DYM: variants seen among roughly 807,000 people sequenced by gnomAD.
DYM encodes the protein dyggve-Melchior-Clausen syndrome protein.
DYM carries 78 observed loss-of-function variants against 93.1 expected under a neutral mutation model. The observed-to-expected ratio is 0.84, with a 90% CI of 0.70 to 1.01. DYM has a LOEUF of 1.01. Among genes scored for constraint, DYM ranks in the 50% least tolerant of loss-of-function variants. The pLI is 0.00. For missense variants in DYM, 789 were observed against 845.0 expected, an observed-to-expected ratio of 0.93 and a Z score of 0.82; for synonymous variants, 321 against 319.7, an observed-to-expected ratio of 1.00 and a Z score of -0.04.
chr18:49,167,303 G>A (rs139473377), intron 14 of DYM, among the ~76,000 whole-genome samples: 180 of 152,164 alleles, frequency 1.2e-3, no homozygotes, highest in Admixed American at 2.5e-3. Flanking sequence ...GAGCATAATG[G>A]AAAATTTTAC....
intron 17 of DYM, among the ~76,000 whole-genome samples, chr18:49,048,736 C>T (rs2071983318): frequency 6.6e-6 from 1 of 152,204 alleles, no homozygotes; most frequent in African/African-American, 2.4e-5. Context: ...GACTATTCCG[C>T]TAGAAGGAGT....
intron 17 of DYM, 63 bp downstream of exon 17, chr18:49,097,339 G>A: frequency 6.8e-7 from 1 of 1,462,920 alleles, no homozygotes. Flanking sequence ...GGTCTGCTAA[G>A]ACACTAACAT....
At chr18:49,137,271 G>T (rs117216963) in intron 15 of DYM, among the ~76,000 whole-genome samples, 1 of 152,266 alleles carries the variant, frequency 6.6e-6, no homozygotes, top group Non-Finnish European at 1.5e-5. Context: ...CTCACACTTG[G>T]CAAGTAGTAA....
rs2084504587 is a variant in DYM, at chr18:49,141,598, T to G, written c.1728+22087A>C. 2.0e-5 allele frequency among the ~76,000 whole-genome samples: 3 copies of G among 152,336 alleles called. No homozygotes were observed. The South Asian group carries it at 6.2e-4, about 32-fold the overall frequency. ...CTATCCTCATTTTTTCTCTGGCAAC[T>G]CTTATTCATCATCAGGTCTCAGTTA... On this transcript the variant is annotated intron_variant, in intron 15 of 17. Coordinates refer to ENST00000675505, the MANE Select transcript of DYM (RefSeq NM_001353214.3).
At chr18:49,181,406 G>C (rs892210170) in intron 14 of DYM, among the ~76,000 whole-genome samples, 1 of 152,124 alleles carries the variant, frequency 6.6e-6, no homozygotes, top group Non-Finnish European at 1.5e-5. Flanking sequence ...ACACAAACCA[G>C]CTGGTTTATA....
At position 49,441,014 on chromosome 18, in the gene DYM, ATTATATAT is replaced by A. The variant is rs2081402770; in HGVS notation, c.-53-10575_-53-10568del. ...TATATAATATATTTATATATTATAT[ATTATATAT>A]ATTTATATATAATATATAAATATAT... On this transcript the variant is annotated intron_variant, in intron 1 of 17. Coordinates refer to ENST00000675505, the MANE Select transcript of DYM (RefSeq NM_001353214.3). 3.1e-3 allele frequency among the ~76,000 whole-genome samples: 8 copies of A among 2,542 alleles called. 2 individuals are homozygous for A. Among genetic ancestry groups the A allele is most frequent in the Non-Finnish European group, 6.0e-3 (8 of 1,326 alleles). The allele number at this position is 2,542 out of a possible 152,430, so 1.7% of individuals were successfully genotyped here. A position where few individuals can be genotyped will look rare whatever the true frequency, so the allele number is the denominator to read the frequency against.
intron 17 of DYM, among the ~76,000 whole-genome samples, chr18:49,053,376 G>T (rs1199255606): frequency 1.3e-5 from 2 of 152,074 alleles, no homozygotes; most frequent in East Asian, 3.9e-4. Context: ...ACCTAAAGAT[G>T]ATATAAGATA....
At chr18:49,426,363 A>G (rs1195638630) in intron 2 of DYM, among the ~76,000 whole-genome samples, 1 of 123,788 alleles carries the variant, frequency 8.1e-6, no homozygotes, top group Non-Finnish European at 1.6e-5. Context: ...ACTTGGACAC[A>G]GGGTGGGGAA....
intron 17 of DYM, among the ~76,000 whole-genome samples, chr18:49,068,933 A>T (rs533537653): frequency 6.6e-6 from 1 of 152,362 alleles, no homozygotes; most frequent in African/African-American, 2.4e-5. Flanking sequence ...CAAACACTGG[A>T]ACCAGGAGAA....
At chr18:49,167,893 T>A (rs143390560) in intron 14 of DYM, among the ~76,000 whole-genome samples, 395 of 152,176 alleles carry the variant, frequency 2.6e-3, no homozygotes, top group African/African-American at 8.9e-3. Context: ...AAAACACTAA[T>A]CAAGAACAGA....
At chr18:49,444,696 G>A in intron 1 of DYM, among the ~76,000 whole-genome samples, 1 of 152,160 alleles carries the variant, frequency 6.6e-6, no homozygotes, top group Non-Finnish European at 1.5e-5. Context: ...ACTGTGCAAT[G>A]AGGAGCTTCT....
chr18:49,259,439 T>C (rs187755428), intron 11 of DYM, among the ~76,000 whole-genome samples: 78 of 152,310 alleles, frequency 5.1e-4, no homozygotes, highest in Admixed American at 1.7e-3. Context: ...CGGGGAATCC[T>C]ACTAAACAGA....
chr18:49,094,842 C>T (rs186745406), intron 17 of DYM, among the ~76,000 whole-genome samples: 5 of 152,282 alleles, frequency 3.3e-5, no homozygotes, highest in African/African-American at 1.2e-4. Context: ...TTTGGCTCAT[C>T]GGCTTCAGCT....
chr18:49,051,974 A>G (rs1393155403), intron 17 of DYM, among the ~76,000 whole-genome samples: 1 of 152,256 alleles, frequency 6.6e-6, no homozygotes, highest in Non-Finnish European at 1.5e-5. Context: ...CCTCTCCCAC[A>G]GTGAGCAAGG....
chr18:49,339,855 G>A (rs1385084103), intron 6 of DYM, among the ~76,000 whole-genome samples: 1 of 152,222 alleles, frequency 6.6e-6, no homozygotes, highest in African/African-American at 2.4e-5. Context: ...CAAAGTTGGA[G>A]GCAATCCGGG....
At chr18:49,232,836 T>G (rs1445218276) in intron 13 of DYM, among the ~76,000 whole-genome samples, 1 of 151,786 alleles carries the variant, frequency 6.6e-6, no homozygotes, top group Non-Finnish European at 1.5e-5. Context: ...CTTGAACTCC[T>G]GACCTCAGGT....
intron 8 of DYM, among the ~76,000 whole-genome samples, chr18:49,319,477 A>G (rs1393814670): frequency 2.0e-5 from 3 of 152,238 alleles, no homozygotes; most frequent in Admixed American, 2.0e-4. Context: ...AGAAAGATAA[A>G]AACATTTAAG....
chr18:49,382,842 T>TC (rs1442357763), intron 3 of DYM, among the ~76,000 whole-genome samples: 1 of 152,160 alleles, frequency 6.6e-6, no homozygotes, highest in Non-Finnish European at 1.5e-5. Context: ...CTACAAGAAT[T>TC]CAAGCAAAGT....
At chr18:49,306,922 G>C (rs900446661) in intron 8 of DYM, among the ~76,000 whole-genome samples, 2 of 152,050 alleles carry the variant, frequency 1.3e-5, no homozygotes, top group Non-Finnish European at 2.9e-5. Context: ...TGGAGACTGA[G>C]GACACAAACT....
Sources: allele counts gnomAD v4.1 joint callset (sites outside exome capture counted in the v4.1 genomes callset), GRCh38; gene constraint gnomAD v4.1.1; transcripts MANE v1.5; gene names NCBI Gene and HGNC (gene_info 2026-07-23, HGNC 2026-07-21).